Variants in PBRM1 observed in about 807,000 individuals in gnomAD.
PBRM1 encodes polybromo 1.
A neutral mutation model predicts 194.5 loss-of-function variants in PBRM1; 27 were observed. The ratio of observed to expected loss-of-function variants is 0.14; its 90% CI spans 0.10 to 0.19. The LOEUF is 0.19. Among genes scored for constraint, PBRM1 ranks in the 10% least tolerant of loss-of-function variants. The pLI is 1.00. For synonymous variants in PBRM1, 655 were observed against 693.2 expected, an observed-to-expected ratio of 0.94 and a Z score of 0.87; for missense variants, 1,466 against 2,077.2, an observed-to-expected ratio of 0.71 and a Z score of 5.72.
rs766073291 is a variant in PBRM1 at position 52,587,519 on chromosome 3, T to TG, written c.2966-10dup. ...ATACAACCATTTTTCACCTCAAAAATGGGGGGTGGGGGAAGGGGAAGAGAA... is the reference window on the plus strand; with the variant it reads ...ATACAACCATTTTTCACCTCAAAAATGGGGGGGTGGGGGAAGGGGAAGAGAA... On this transcript the variant is annotated splice_polypyrimidine_tract_variant and intron_variant, in intron 18 of 29. Coordinates refer to ENST00000296302, the Ensembl canonical transcript of PBRM1. 6.4e-7 allele frequency: 1 copy of TG among 1,568,182 alleles called. No individual in the cohort carries two copies. Among genetic ancestry groups the TG allele is most frequent in the Non-Finnish European group, 8.7e-7 (1 of 1,154,918 alleles).
chr3:52,650,385 T>TAAA (rs35462727), intron 6 of PBRM1, among the ~76,000 whole-genome samples: 100 of 119,348 alleles, frequency 8.4e-4, no homozygotes, highest in East Asian at 1.8e-3. Flanking sequence ...AAAAAAACCC[T>TAAA]AAAAAAAAAA....
chr3:52,685,293 T>TTAG (rs2097293748), intron 1 of PBRM1: 1 of 152,142 alleles, frequency 6.6e-6, no homozygotes, highest in Non-Finnish European at 1.5e-5. Flanking sequence ...ATCTGGCCTC[T>TTAG]ACTATAAATA....
chr3:52,549,023 G>GT (rs530711822), intron 29 of PBRM1, among the ~76,000 whole-genome samples: 2,762 of 138,290 alleles, frequency 0.02, 18 homozygotes, highest in Non-Finnish European at 0.024. Context: ...AGGTAAAATA[G>GT]TTTTTTTTTT....
At chr3:52,565,351 C>CA (rs1284192021) in intron 22 of PBRM1, among the ~76,000 whole-genome samples, 3 of 150,368 alleles carry the variant, frequency 2.0e-5, no homozygotes, top group African/African-American at 7.3e-5. Flanking sequence ...ACTAAAAATA[C>CA]AAAAAAATTA....
intron 17 of PBRM1, among the ~76,000 whole-genome samples, chr3:52,598,656 G>GCCA (rs1208204027): frequency 2.6e-5 from 4 of 152,114 alleles, no homozygotes; most frequent in Non-Finnish European, 5.9e-5. Context: ...ATCTCAGGAG[G>GCCA]GGGGATCCCT....
intron 8 of PBRM1, among the ~76,000 whole-genome samples, chr3:52,643,845 G>A (rs1025135127): frequency 6.6e-5 from 10 of 152,064 alleles, no homozygotes; most frequent in Admixed American, 1.3e-4. Flanking sequence ...GGTGGTGTGT[G>A]CCTGAAGTCC....
At chr3:52,549,237 C>A (rs1022188388) in intron 29 of PBRM1, among the ~76,000 whole-genome samples, 1 of 152,130 alleles carries the variant, frequency 6.6e-6, no homozygotes, top group East Asian at 1.9e-4. Context: ...CCAGGATGGT[C>A]TTGATCTCCT....
At position 52,609,717 on chromosome 3, in the gene PBRM1, A is replaced by C. The variant is rs757530012; in HGVS notation, c.2163T>G (p.Ile721Met). The C allele has an allele frequency of 5.3e-5, 86 of 1,611,760 alleles. 1 individual carries two copies. In the South Asian group the frequency reaches 8.7e-4, roughly 16 times the overall value. Residue 721 changes from isoleucine (I) to methionine (M), a missense_variant, in exon 16 of 30, where the codon ATT becomes ATG. Coordinates refer to ENST00000296302, the Ensembl canonical transcript of PBRM1. This position sits in a 1 kb window ranked among gnomAD's most constrained non-coding sequence, Gnocchi z 4.1. ...TGACAAAGTCCTCAACCATAGAGTC[A>C]ATATCTTGGTACTTGTTGGCCATCA...
chr3:52,671,968 G>T (rs1007514978), intron 2 of PBRM1, among the ~76,000 whole-genome samples: 1 of 152,116 alleles, frequency 6.6e-6, no homozygotes, highest in African/African-American at 2.4e-5. Flanking sequence ...GCTTTCTACA[G>T]CTGCTGTAAC....
chr3:52,579,061 C>T (rs369155727), exon 21 of PBRM1: 3 of 1,614,164 alleles, frequency 1.9e-6, no homozygotes, highest in South Asian at 1.1e-5. Context: ...CACCTGCCCA[C>T]ACGAGGACGC....
At chr3:52,630,992 T>A (rs2095600238) in intron 11 of PBRM1, among the ~76,000 whole-genome samples, 1 of 152,196 alleles carries the variant, frequency 6.6e-6, no homozygotes, top group Non-Finnish European at 1.5e-5. Flanking sequence ...CTTCTTAACA[T>A]CTGCAAGACT....
intron 10 of PBRM1, 47 bp from the exon 12 acceptor site, chr3:52,634,862 A>G (rs1459191663): frequency 4.7e-6 from 6 of 1,283,128 alleles, no homozygotes; most frequent in Non-Finnish European, 6.7e-6. Flanking sequence ...TGAGATGAAG[A>G]AAGAACCATA....
rs1234237660 is a variant in PBRM1, at chr3:52,626,277, T to C, written c.1541+996A>G. Among the ~76,000 whole-genome samples, 4 of 152,326 alleles carry C rather than the reference T, an allele frequency of 2.6e-5. No individual in the cohort carries two copies. The East Asian group carries it at 7.7e-4, about 29-fold the overall frequency. On this transcript the variant is annotated intron_variant, in intron 13 of 29. Coordinates refer to ENST00000296302, the Ensembl canonical transcript of PBRM1. ...AGGCCAGTAATGGAGGAGACTCACA[T>C]CTCAGGGTATACTGATCAATTTAGT...
chr3:52,642,960 T>C (rs984999850), intron 9 of PBRM1, among the ~76,000 whole-genome samples: 6 of 152,070 alleles, frequency 3.9e-5, no homozygotes, highest in Non-Finnish European at 7.4e-5. Context: ...CTAATTTTTG[T>C]AGTTTTTAGT....
At chr3:52,563,534 C>A in intron 23 of PBRM1, 41 bp from the exon 26 acceptor site, 1 of 1,410,414 alleles carries the variant, frequency 7.1e-7, no homozygotes, top group African/African-American at 1.4e-5. Context: ...CACCTAATGC[C>A]CCTCCAGAAT....
chr3:52,637,771 T>TAA (rs1466126045), intron 10 of PBRM1, among the ~76,000 whole-genome samples: 3 of 20,986 alleles, frequency 1.4e-4, no homozygotes, highest in African/African-American at 6.1e-4. Flanking sequence ...CTACTAAAAA[T>TAA]ACAAAAAAAA....
intron 16 of PBRM1, among the ~76,000 whole-genome samples, chr3:52,608,384 G>C (rs1456794163): frequency 1.3e-5 from 2 of 152,228 alleles, no homozygotes; most frequent in South Asian, 2.1e-4. Flanking sequence ...ATAAGGGTTA[G>C]AGATTGCCTT....
chr3:52,629,144 G>A (rs572994985), intron 11 of PBRM1, 109 bp from the exon 13 acceptor site: 4 of 765,536 alleles, frequency 5.2e-6, no homozygotes, highest in East Asian at 2.7e-5. Flanking sequence ...TATCTTTACT[G>A]GTAATACTGA....
At chr3:52,569,908 T>C (rs2086498264) in intron 22 of PBRM1, among the ~76,000 whole-genome samples, 1 of 152,234 alleles carries the variant, frequency 6.6e-6, no homozygotes, top group Non-Finnish European at 1.5e-5. Flanking sequence ...CTAACTCCAC[T>C]GGCTAGTACC....
Sources: allele counts gnomAD v4.1 joint callset (sites outside exome capture counted in the v4.1 genomes callset), GRCh38; gene constraint gnomAD v4.1.1; non-coding constraint Gnocchi (gnomAD v3.1); transcripts MANE v1.5; gene names NCBI Gene and HGNC (gene_info 2026-07-23, HGNC 2026-07-21).